Variants in PRRX2 observed in about 807,000 individuals in gnomAD.
PRRX2 encodes the protein paired related homeobox 2, also known as paired mesoderm homeobox protein 2.
In PRRX2, 11 loss-of-function variants were observed where a neutral mutation model predicts 18.0. The observed-to-expected ratio is 0.61, with a 90% CI of 0.39 to 1.01. The LOEUF (loss-of-function observed/expected upper bound fraction) is 1.01. Ranked by LOEUF, PRRX2 falls within the 50% of genes least tolerant of loss-of-function variation. PRRX2 has a pLI of 0.01. For missense variants in PRRX2, 387 were observed against 351.0 expected, an observed-to-expected ratio of 1.10 and a Z score of -0.82; for synonymous variants, 177 against 154.8, an observed-to-expected ratio of 1.14 and a Z score of -1.06.
chr9:129,684,506 A>ACC (rs1832277136), intron 1 of PRRX2, among the ~76,000 whole-genome samples: 1 of 55,028 alleles, frequency 1.8e-5, no homozygotes, highest in African/African-American at 5.5e-5. Flanking sequence ...ACACACACAC[A>ACC]CACACACACA....
chr9:129,691,954 T>TATTC (rs201882201), intron 1 of PRRX2, among the ~76,000 whole-genome samples: 2,114 of 151,654 alleles, frequency 0.014, 53 homozygotes, highest in African/African-American at 0.042. Context: ...TTTATTTATT[T>TATTC]TATTTTTGAG....
At chr9:129,706,660 C>G (rs903140139) in intron 1 of PRRX2, among the ~76,000 whole-genome samples, 1 of 151,996 alleles carries the variant, frequency 6.6e-6, no homozygotes, top group Non-Finnish European at 1.5e-5. Context: ...CCTAGGAGTT[C>G]GAGGCTGCAG....
chr9:129,680,641 G>A (rs1224408741), intron 1 of PRRX2, among the ~76,000 whole-genome samples: 1 of 152,084 alleles, frequency 6.6e-6, no homozygotes, highest in Non-Finnish European at 1.5e-5. Flanking sequence ...TCACGGCTTT[G>A]CTGGTATCTA....
chr9:129,703,765 G>A (rs1478045381), intron 1 of PRRX2, among the ~76,000 whole-genome samples: 9 of 152,206 alleles, frequency 5.9e-5, no homozygotes, highest in Admixed American at 1.3e-4. Context: ...CACTCAGGAC[G>A]CCATTGGAGC....
At chr9:129,698,094 T>C (rs1832449415) in intron 1 of PRRX2, among the ~76,000 whole-genome samples, 1 of 152,110 alleles carries the variant, frequency 6.6e-6, no homozygotes, top group Non-Finnish European at 1.5e-5. Context: ...TCCTGGCTGC[T>C]GTCAGCACCG....
At chr9:129,677,362 C>T (rs960425766) in intron 1 of PRRX2, among the ~76,000 whole-genome samples, 1 of 152,230 alleles carries the variant, frequency 6.6e-6, no homozygotes, top group Non-Finnish European at 1.5e-5. Flanking sequence ...CGCAGTGATC[C>T]CCAGAGCCCA....
chr9:129,674,064 G>A (rs997098058), intron 1 of PRRX2, among the ~76,000 whole-genome samples: 9 of 152,080 alleles, frequency 5.9e-5, no homozygotes, highest in South Asian at 4.2e-4. Context: ...AGGACACCCC[G>A]CTCTAGCCAG....
At chr9:129,668,778 C>CAAAAAAAAAAAAAAAAAAAAAAAAAA (rs562855941) in intron 1 of PRRX2, among the ~76,000 whole-genome samples, 1 of 58,666 alleles carries the variant, frequency 1.7e-5, no homozygotes, top group African/African-American at 5.7e-5. Flanking sequence ...GACTCCATCT[C>CAAAAAAAAAAAAAAAAAAAAAAAAAA]AAAAAAAAAA....
intron 1 of PRRX2, among the ~76,000 whole-genome samples, chr9:129,666,456 A>C (rs1054298763): frequency 1.1e-4 from 16 of 152,092 alleles, no homozygotes; most frequent in African/African-American, 3.9e-4. Context: ...AGTCGGGCAA[A>C]GCCGCTGAGC....
At chr9:129,696,506 T>C (rs1291376103) in intron 1 of PRRX2, among the ~76,000 whole-genome samples, 1 of 151,980 alleles carries the variant, frequency 6.6e-6, no homozygotes, top group Non-Finnish European at 1.5e-5. Context: ...GCCTGAGAGT[T>C]CAAGGCTGCA....
chr9:129,697,339 G>A (rs1174427610), intron 1 of PRRX2, among the ~76,000 whole-genome samples: 1 of 151,988 alleles, frequency 6.6e-6, no homozygotes, highest in Non-Finnish European at 1.5e-5. Flanking sequence ...CCCCTAGGCC[G>A]TGCCCCCTCC....
intron 1 of PRRX2, among the ~76,000 whole-genome samples, chr9:129,682,010 T>C (rs757653109): frequency 2.0e-5 from 3 of 152,096 alleles, no homozygotes; most frequent in Non-Finnish European, 4.4e-5. Flanking sequence ...CTTCCCACGG[T>C]ACAGGCTGGT....
At chr9:129,666,472 G>A (rs1832024486) in intron 1 of PRRX2, among the ~76,000 whole-genome samples, 1 of 152,158 alleles carries the variant, frequency 6.6e-6, no homozygotes, top group African/African-American at 2.4e-5. Flanking sequence ...TGAGCTGCAC[G>A]TTGGGGTTTC....
At chr9:129,690,159 T>C (rs973558605) in intron 1 of PRRX2, among the ~76,000 whole-genome samples, 3 of 152,102 alleles carry the variant, frequency 2.0e-5, no homozygotes, top group Non-Finnish European at 4.4e-5. Flanking sequence ...CCTCCCACCT[T>C]ACCCAGCCTG....
At chr9:129,688,035 A>G (rs549634541) in intron 1 of PRRX2, among the ~76,000 whole-genome samples, 1 of 151,990 alleles carries the variant, frequency 6.6e-6, no homozygotes, top group African/African-American at 2.4e-5. Context: ...AGCTAGGATT[A>G]CAAGTGTGCA....
At chr9:129,721,020 ACTGTGAGTGTGCATGCACATGC>A (rs1832784366) in intron 3 of PRRX2, among the ~76,000 whole-genome samples, 1 of 152,154 alleles carries the variant, frequency 6.6e-6, no homozygotes, top group African/African-American at 2.4e-5. Context: ...GGCACACATG[ACTGTGAGTGTGCATGCACATGC>A]CTGCGTATGC....
chr9:129,683,689 C>G (rs547642117), intron 1 of PRRX2, among the ~76,000 whole-genome samples: 1 of 151,900 alleles, frequency 6.6e-6, no homozygotes, highest in Non-Finnish European at 1.5e-5. Flanking sequence ...GAGCAGAGAT[C>G]GCGCCACTGC....
Position 129,722,463 on chromosome 9 carries a change from C to T in PRRX2, c.*111C>T. 1.6e-6 allele frequency: 2 copies of T among 1,286,144 alleles called. No individual in the cohort carries two copies. Among genetic ancestry groups the T allele is most frequent in the Non-Finnish European group, 2.0e-6 (2 of 982,542 alleles). 79.7% of individuals were successfully genotyped at this position (1,286,144 alleles called of 1,614,324 possible). ...GGATGAGCTCTCCTGGCCCGTCTGT[C>T]CAGCCTGGACTCCCGAGCCCACGAG... On this transcript the variant is annotated 3_prime_UTR_variant, in exon 4 of 4. Transcript: ENST00000372469.
intron 1 of PRRX2, among the ~76,000 whole-genome samples, chr9:129,707,436 A>T (rs1226691937): frequency 6.6e-6 from 1 of 152,062 alleles, no homozygotes; most frequent in African/African-American, 2.4e-5. Context: ...CATTTTATTT[A>T]TTCATTCACC....
Sources: allele counts gnomAD v4.1 joint callset (sites outside exome capture counted in the v4.1 genomes callset), GRCh38; gene constraint gnomAD v4.1.1; transcripts MANE v1.5; gene names NCBI Gene and HGNC (gene_info 2026-07-23, HGNC 2026-07-21).